Variants in FAAP20 observed in about 807,000 individuals in gnomAD.
FAAP20 encodes Fanconi anemia core complex-associated protein 20.
FAAP20 carries 12 observed loss-of-function variants against 16.2 expected under a neutral mutation model. The ratio of observed to expected loss-of-function variants is 0.74; its 90% CI spans 0.48 to 1.20. The LOEUF is 1.20. Ranked by LOEUF, FAAP20 falls within the 50% of genes most tolerant of loss-of-function variation. The pLI, the probability that FAAP20 is intolerant of heterozygous loss-of-function variation, is 0.00. For synonymous variants in FAAP20, 141 were observed against 110.7 expected (o/e 1.27, Z -1.72); for missense variants, 288 against 245.8 (o/e 1.17, Z -1.15).
At chr1:2,210,491 G>A (rs574325705), downstream of FAAP20, among the ~76,000 whole-genome samples, 7 of 152,150 alleles carry the variant, frequency 4.6e-5, no homozygotes, top group South Asian at 2.1e-4. Context: ...GAGGCCAGGT[G>A]GGGGTGGGGC....
At chr1:2,194,270 C>A in intron 1 of FAAP20, 137 bp from the exon 2 acceptor site, 1 of 1,030,654 alleles carries the variant, frequency 9.7e-7, no homozygotes, top group Non-Finnish European at 1.3e-6. Flanking sequence ...CGGGAGGTGG[C>A]CGGCAGGGTT....
upstream of FAAP20, chr1:2,204,015 C>T (rs1312800766): frequency 6.6e-6 from 1 of 152,262 alleles, no homozygotes; most frequent in Non-Finnish European, 1.5e-5. Context: ...CTCCGAGCAC[C>T]CTGGGGCAGC....
chr1:2,199,508 T>C, upstream of FAAP20: 1 of 987,124 alleles, frequency 1.0e-6, no homozygotes, highest in South Asian at 4.7e-5. This position sits in a 1 kb window ranked among gnomAD's most constrained non-coding sequence, Gnocchi z 4.5. Flanking sequence ...CTGTGTGCTC[T>C]GTTCCCTGGG....
chr1:2,194,506 G>A (rs1298879405), intron 1 of FAAP20, among the ~76,000 whole-genome samples, 182 bp downstream of exon 1: 2 of 145,022 alleles, frequency 1.4e-5, no homozygotes, highest in Non-Finnish European at 3.1e-5. Context: ...AGCTCGGCGT[G>A]GGGTGGGGGC....
chr1:2,194,141 A>T lies in FAAP20; in HGVS notation c.63-8T>A. The T allele has an allele frequency of 6.2e-7, 1 of 1,611,786 alleles. No homozygotes were observed. Among genetic ancestry groups the T allele is most frequent in the Non-Finnish European group, 8.5e-7 (1 of 1,179,706 alleles). On this transcript the variant is annotated splice_region_variant and splice_polypyrimidine_tract_variant and intron_variant, in intron 1 of 3. Coordinates refer to ENST00000378546, the MANE Select transcript of FAAP20 (RefSeq NM_182533.4). ...GGGCGGCCGCCAGAAGGCCTGGGGC[A>T]GACAGAGAGGGCAGACAGGGGGTAC...
At chr1:2,187,277 G>A (rs1042978523), downstream of FAAP20, 9 of 404,804 alleles carry the variant, frequency 2.2e-5, no homozygotes, top group Non-Finnish European at 3.5e-5. Flanking sequence ...GGTTTCTGAA[G>A]CCATTTTCTT....
chr1:2,186,100 T>C, downstream of FAAP20: 1 of 453,606 alleles, frequency 2.2e-6, no homozygotes, highest in Non-Finnish European at 4.4e-6. Flanking sequence ...TCTTCTGAGC[T>C]CCCTGGGAGA....
Position 2,194,742 on chromosome 1 carries a change from G to A in FAAP20, c.8C>T (p.Ala3Val), listed in dbSNP as rs1406730993. 21 of 1,193,118 alleles carry A rather than the reference G, an allele frequency of 1.8e-5. No individual in the cohort carries two copies. Among genetic ancestry groups the A allele is most frequent in the Non-Finnish European group, 2.2e-5 (21 of 965,358 alleles). 73.9% of individuals were successfully genotyped at this position (1,193,118 alleles called of 1,614,324 possible). Reference protein sequence around the residue: MEAARRPRLGLSR... With the variant: MEVARRPRLGLSR... Reference sequence around the variant, plus strand: ...CAACCCCAGCCGCGGCCTCCGCGCCGCCTCCATCCAAGCCCGCGCCGGGCG... The same window carrying A: ...CAACCCCAGCCGCGGCCTCCGCGCCACCTCCATCCAAGCCCGCGCCGGGCG... Residue 3 changes from alanine (A) to valine (V), a missense_variant, in exon 1 of 4, where the codon GCG becomes GTG. By Grantham distance (64) the Ala-to-Val change is moderately conservative (BLOSUM62 0). Transcript: ENST00000378546.
upstream of FAAP20, among the ~76,000 whole-genome samples, chr1:2,202,199 G>A (rs919987758): frequency 1.3e-5 from 2 of 152,146 alleles, no homozygotes; most frequent in African/African-American, 2.4e-5. Flanking sequence ...CCCCAGCACC[G>A]TGTGGCCTTG....
chr1:2,190,521 G>T (rs1171828936), intron 3 of FAAP20: 1 of 422,324 alleles, frequency 2.4e-6, no homozygotes, highest in Non-Finnish European at 4.8e-6. Flanking sequence ...AACTGGAGCG[G>T]CTGGAAATGA....
In FAAP20 at chr1:2,194,739, G is replaced by A. The variant is rs1227556934; in HGVS notation, c.11C>T (p.Ala4Val). Residue 4 changes from alanine (A) to valine (V), a missense_variant, in exon 1 of 4, where the codon GCG (alanine) becomes GTG (valine). Ala to Val is a moderately conservative substitution (Grantham distance 64, BLOSUM62 0). Coordinates refer to ENST00000378546, the MANE Select transcript of FAAP20 (RefSeq NM_182533.4). ...GCTCAACCCCAGCCGCGGCCTCCGC[G>A]CCGCCTCCATCCAAGCCCGCGCCGG... MEA[A>V]RRPRLGLSRR... is the part of the protein sequence containing the mutation. 15 of 1,193,606 alleles carry A rather than the reference G, an allele frequency of 1.3e-5. No individual in the cohort carries two copies. Among genetic ancestry groups the A allele is most frequent in the African/African-American group, 1.1e-4 (7 of 61,746 alleles). 73.9% of individuals were successfully genotyped at this position (1,193,606 alleles called of 1,614,324 possible).
At chr1:2,190,146 GC>G (rs1243437802) in intron 3 of FAAP20, 2 of 504,612 alleles carry the variant, frequency 4.0e-6, no homozygotes, top group Non-Finnish European at 7.7e-6. Context: ...ACGGCGGGTG[GC>G]CTGCCAGGGA....
At chr1:2,199,378 C>A (rs983483800), upstream of FAAP20, 18 of 1,022,374 alleles carry the variant, frequency 1.8e-5, no homozygotes, top group African/African-American at 2.8e-4. The surrounding 1 kb of genome is among the most constrained non-coding windows in gnomAD (Gnocchi z 4.5). Flanking sequence ...CGTCCCCCCG[C>A]CCGGAGAAGC....
chr1:2,207,565 CCT>C (rs1238282119), downstream of FAAP20: 1 of 152,312 alleles, frequency 6.6e-6, no homozygotes, highest in Non-Finnish European at 1.5e-5. Flanking sequence ...CTGGAAACTC[CCT>C]GTCTTGGGGC....
chr1:2,198,767 C>T, upstream of FAAP20: 1 of 1,288,192 alleles, frequency 7.8e-7, no homozygotes. Flanking sequence ...CTGGCAAGGA[C>T]AGCCAAAAGG....
downstream of FAAP20, chr1:2,184,566 C>T (rs192915352): frequency 2.0e-5 from 32 of 1,608,350 alleles, no homozygotes; most frequent in Admixed American, 2.8e-4. Context: ...TGACCCTTCT[C>T]CTATTGTTTT....
chr1:2,192,647 T>C, intron 3 of FAAP20: 5 of 1,186,924 alleles, frequency 4.2e-6, no homozygotes, highest in Non-Finnish European at 5.3e-6. Context: ...AGGGTCTTAC[T>C]CTGTCACCCA....
At chr1:2,190,176 C>G in intron 3 of FAAP20, 1 of 478,378 alleles carries the variant, frequency 2.1e-6, no homozygotes, top group Non-Finnish European at 4.1e-6. Flanking sequence ...GCGGCTGCGT[C>G]TACAGGAGGC....
intron 3 of FAAP20, chr1:2,190,937 G>C (rs1240800752): frequency 6.3e-6 from 1 of 159,864 alleles, no homozygotes; most frequent in African/African-American, 2.4e-5. Context: ...TGTGGCCACT[G>C]CAACCCTCAA....
Sources: allele counts gnomAD v4.1 joint callset (sites outside exome capture counted in the v4.1 genomes callset), GRCh38; gene constraint gnomAD v4.1.1; non-coding constraint Gnocchi (gnomAD v3.1); transcripts MANE v1.5; gene names NCBI Gene and HGNC (gene_info 2026-07-23, HGNC 2026-07-21).